The following BNC2 variants were observed in gnomAD, a reference collection of about 807,000 sequenced individuals.
BNC2 encodes the protein basonuclin zinc finger protein 2.
A neutral mutation model predicts 76.3 loss-of-function variants in BNC2; 20 were observed. That is an observed-to-expected ratio of 0.26 (90% confidence interval 0.18 to 0.38). The LOEUF (loss-of-function observed/expected upper bound fraction) is 0.38. Among genes scored for constraint, BNC2 ranks in the 10% least tolerant of loss-of-function variants. BNC2 has a pLI of 1.00. For missense variants in BNC2, 1,382 were observed against 1,399.8 expected (o/e 0.99, Z 0.20); for synonymous variants, 582 against 514.8 (o/e 1.13, Z -1.77).
intron 5 of BNC2, among the ~76,000 whole-genome samples, chr9:16,476,435 A>G (rs1821929188): frequency 6.6e-6 from 1 of 151,972 alleles, no homozygotes; most frequent in East Asian, 1.9e-4. Context: ...CTCACCCCTC[A>G]TCATCACCAT....
At chr9:16,748,358 C>T (rs1218154099) in intron 1 of BNC2, among the ~76,000 whole-genome samples, 4 of 151,782 alleles carry the variant, frequency 2.6e-5, no homozygotes, top group African/African-American at 9.7e-5. Flanking sequence ...ACAAAAAATA[C>T]AAAAATTAGT....
chr9:16,680,348 A>G (rs1221582032), intron 3 of BNC2, among the ~76,000 whole-genome samples: 2 of 152,022 alleles, frequency 1.3e-5, no homozygotes, highest in African/African-American at 4.8e-5. Flanking sequence ...ATAACAAAAA[A>G]TTTTTCCTCA....
At chr9:16,747,474 A>C (rs1825044457) in intron 1 of BNC2, among the ~76,000 whole-genome samples, 1 of 152,240 alleles carries the variant, frequency 6.6e-6, no homozygotes, top group Non-Finnish European at 1.5e-5. Context: ...TATGCAAAAC[A>C]TAAAAGATTT....
intron 1 of BNC2, among the ~76,000 whole-genome samples, chr9:16,852,858 C>T (rs1210069307): frequency 5.3e-5 from 8 of 152,098 alleles, no homozygotes; most frequent in Non-Finnish European, 4.4e-5. Context: ...GAGGTAGGTA[C>T]CAGCTTAGCA....
intron 1 of BNC2, among the ~76,000 whole-genome samples, chr9:16,773,874 C>T (rs1050449643): frequency 2.0e-5 from 3 of 152,178 alleles, no homozygotes; most frequent in African/African-American, 4.8e-5. Context: ...AATGTGCTTG[C>T]CAACAAGTTG....
chr9:16,470,974 A>G (rs991491049), intron 5 of BNC2, among the ~76,000 whole-genome samples: 3 of 152,134 alleles, frequency 2.0e-5, no homozygotes, highest in African/African-American at 7.2e-5. Context: ...AACTTGTACT[A>G]TGCACCTGGA....
intron 1 of BNC2, among the ~76,000 whole-genome samples, chr9:16,780,235 C>CAAAAAA (rs372583425): frequency 1.5e-5 from 1 of 66,306 alleles, no homozygotes; most frequent in Non-Finnish European, 2.7e-5. Context: ...GACTTCGTTT[C>CAAAAAA]AAAAAAAAAA....
At chr9:16,668,814 G>C (rs73645841) in intron 3 of BNC2, among the ~76,000 whole-genome samples, 7,523 of 152,186 alleles carry the variant, frequency 0.049, 683 homozygotes, top group African/African-American at 0.17. Context: ...TTTTTTTAGA[G>C]CTACAAATAC....
chr9:16,791,146 C>T (rs1817495247), intron 1 of BNC2, among the ~76,000 whole-genome samples: 2 of 151,978 alleles, frequency 1.3e-5, no homozygotes, highest in African/African-American at 4.8e-5. Context: ...ACTGTAAGCT[C>T]CGCCTCCCGG....
intron 2 of BNC2, among the ~76,000 whole-genome samples, chr9:16,728,414 G>T (rs1451646677): frequency 1.3e-5 from 2 of 152,056 alleles, no homozygotes; most frequent in Non-Finnish European, 2.9e-5. Flanking sequence ...CCACAATCAC[G>T]GTGCACAGGG....
chr9:16,779,483 C>G (rs1826064500), intron 1 of BNC2, among the ~76,000 whole-genome samples: 1 of 152,074 alleles, frequency 6.6e-6, no homozygotes, highest in African/African-American at 2.4e-5. Flanking sequence ...TAACGACTAA[C>G]AAGCTCTGAA....
Position 16,487,784 on chromosome 9 carries a change from G to T in BNC2, c.670-50260C>A, listed in dbSNP as rs770657358. The stretch of plus-strand genomic sequence containing the variant: ...TATTCAGAAATAAACATTTCTCTGG[G>T]TCCCCCTTAACAAGGAAAGCAGCCA... On this transcript the variant is annotated intron_variant, in intron 5 of 6. Coordinates refer to ENST00000380672, the MANE Select transcript of BNC2 (RefSeq NM_017637.6). 1.2e-4 allele frequency among the ~76,000 whole-genome samples: 18 copies of T among 152,100 alleles called. 1 individual carries two copies. The highest frequency in any genetic ancestry group is 2.2e-4 in the Non-Finnish European group (15 of 68,014).
intron 3 of BNC2, among the ~76,000 whole-genome samples, chr9:16,614,308 G>A (rs1820634546): frequency 4.0e-4 from 2 of 4,956 alleles, no homozygotes; most frequent in South Asian, 0.048. Context: ...AGCAAGGATG[G>A]GGGTCTTACT....
intron 5 of BNC2, among the ~76,000 whole-genome samples, chr9:16,510,834 T>C (rs1822737621): frequency 6.6e-6 from 1 of 152,212 alleles, no homozygotes; most frequent in Non-Finnish European, 1.5e-5. Flanking sequence ...AAAATTTAAC[T>C]GAGCTAGCTG....
intron 1 of BNC2, among the ~76,000 whole-genome samples, chr9:16,797,482 A>G (rs1289763930): frequency 3.9e-5 from 6 of 152,222 alleles, no homozygotes; most frequent in Non-Finnish European, 7.3e-5. Context: ...CATCTTTCAC[A>G]GCACAACACA....
intron 1 of BNC2, among the ~76,000 whole-genome samples, chr9:16,765,712 G>T (rs1825670942): frequency 6.6e-6 from 1 of 151,732 alleles, no homozygotes; most frequent in South Asian, 2.1e-4. Flanking sequence ...GCTGGGCAAT[G>T]AAACTGTGTA....
At chr9:16,491,340 T>C (rs1052642804) in intron 5 of BNC2, among the ~76,000 whole-genome samples, 1 of 152,060 alleles carries the variant, frequency 6.6e-6, no homozygotes, top group Non-Finnish European at 1.5e-5. Flanking sequence ...ACTCAACAGG[T>C]GGAAAGGGTC....
At chr9:16,750,517 T>C (rs901762186) in intron 1 of BNC2, among the ~76,000 whole-genome samples, 1 of 152,222 alleles carries the variant, frequency 6.6e-6, no homozygotes, top group Non-Finnish European at 1.5e-5. Flanking sequence ...GTAGATCATC[T>C]ATCCTGTCAG....
intron 1 of BNC2, among the ~76,000 whole-genome samples, chr9:16,850,918 T>C (rs1819112776): frequency 6.6e-6 from 1 of 152,148 alleles, no homozygotes; most frequent in African/African-American, 2.4e-5. Context: ...CATGGAAGAT[T>C]TGCTAGCACC....
Sources: gnomAD v4.1 joint callset for allele counts (sites outside exome capture counted in the v4.1 genomes callset) on GRCh38, gnomAD v4.1.1 for gene constraint, MANE v1.5 for transcripts, NCBI Gene and HGNC (gene_info 2026-07-23, HGNC 2026-07-21) for gene names.